The following ZGRF1 variants were observed in gnomAD, a reference collection of about 807,000 sequenced individuals.
ZGRF1 encodes 5'-3' DNA helicase ZGRF1.
In ZGRF1, 196 loss-of-function variants were observed where a neutral mutation model predicts 203.5. That is an observed-to-expected ratio of 0.96 (90% CI 0.86 to 1.08). The LOEUF (loss-of-function observed/expected upper bound fraction) is 1.08. Ranked by LOEUF, ZGRF1 falls within the 50% of genes least tolerant of loss-of-function variation. The pLI is 0.00. For synonymous variants in ZGRF1, 809 were observed against 841.3 expected, an observed-to-expected ratio of 0.96 and a Z score of 0.66; for missense variants, 2,326 against 2,416.3, an observed-to-expected ratio of 0.96 and a Z score of 0.78.
rs1741034902 is a variant in ZGRF1 at position 112,556,845 on chromosome 4, T to C, written c.5120+1305A>G. ...CCATAAGTATTAACTTATATAATTA[T>C]AAAAATTAATTTTTAAAAAGCTTAC... is the stretch of plus-strand genomic sequence containing the variant. On this transcript the variant is annotated intron_variant, in intron 20 of 27. Transcript: ENST00000505019. Among the ~76,000 whole-genome samples, 5 of 152,188 alleles carry C rather than the reference T, an allele frequency of 3.3e-5. No homozygotes were observed. The South Asian group carries it at 1.0e-3, about 31-fold the overall frequency.
chr4:112,541,797 G>T (rs1737667862), intron 24 of ZGRF1, among the ~76,000 whole-genome samples: 1 of 152,016 alleles, frequency 6.6e-6, no homozygotes. Context: ...AAAGTGCTGG[G>T]ATTACAGGCG....
intron 10 of ZGRF1, among the ~76,000 whole-genome samples, chr4:112,590,652 G>A (rs907534695): frequency 1.3e-5 from 2 of 152,044 alleles, no homozygotes; most frequent in Non-Finnish European, 2.9e-5. Flanking sequence ...AGAGCCAGGC[G>A]CAGTGGCTCA....
chr4:112,592,774 C>T (rs996699871), intron 10 of ZGRF1, among the ~76,000 whole-genome samples: 2 of 152,308 alleles, frequency 1.3e-5, no homozygotes, highest in Middle Eastern at 3.4e-3. Flanking sequence ...AAACCTGCTC[C>T]TCCCTGCTAT....
In ZGRF1 at chr4:112,554,020, T is replaced by G. The variant is rs1425526025; in HGVS notation, c.5199-38A>C. ...ATTAAAACACTCCTCTTTATTCCAT[T>G]TTTCATAACATCACAGTAAAGCAAA... is the stretch of plus-strand genomic sequence containing the variant. On this transcript the variant is annotated intron_variant, in intron 21 of 27. Coordinates refer to ENST00000505019, the MANE Select transcript of ZGRF1 (RefSeq NM_018392.5). 4 of 1,550,448 alleles carry G rather than the reference T, an allele frequency of 2.6e-6. No homozygotes were observed. The African/African-American group carries it at 4.2e-5, about 16-fold the overall frequency.
At chr4:112,551,102 C>T (rs535040395) in intron 22 of ZGRF1, among the ~76,000 whole-genome samples, 1 of 152,094 alleles carries the variant, frequency 6.6e-6, no homozygotes, top group African/African-American at 2.4e-5. Context: ...TACAGGTGTA[C>T]CATTTTAAAT....
intron 10 of ZGRF1, among the ~76,000 whole-genome samples, chr4:112,600,437 T>C (rs1011828569): frequency 6.6e-6 from 1 of 152,268 alleles, no homozygotes; most frequent in Non-Finnish European, 1.5e-5. Context: ...ATCACTCCTG[T>C]AATCCCAGTA....
At position 112,587,506 on chromosome 4, in the gene ZGRF1, G is replaced by C; in HGVS notation, c.3551C>G (p.Thr1184Arg). ...GACAGCATCACTCTGTCTTTCACTT[G>C]TGTCTCTAAAATGCATCCCAGAAAC... ...EAVSGMHFRD[T>R]SERQSDAVNE... The change falls in exon 12 of 28, where the codon ACA (threonine) becomes AGA (arginine). Residue 1184 changes from threonine (T) to arginine (R), a missense_variant. Thr to Arg is a moderately conservative substitution (Grantham distance 71). Coordinates refer to ENST00000505019, the MANE Select transcript of ZGRF1 (RefSeq NM_018392.5). 1 of 1,613,900 alleles carries C rather than the reference G, an allele frequency of 6.2e-7. No individual in the cohort carries two copies. The highest frequency in any genetic ancestry group is 8.5e-7 in the Non-Finnish European group (1 of 1,179,848).
Position 112,620,095 on chromosome 4 carries a change from G to A in ZGRF1, c.258C>T (p.Val86=). The change falls in exon 5 of 28, where the codon GTC becomes GTT. Residue 86 remains valine (V), a synonymous_variant. Coordinates refer to ENST00000505019, the MANE Select transcript of ZGRF1 (RefSeq NM_018392.5). Reference sequence around the variant, plus strand: ...AATTTAACTCTGGTGCTTCTTTATTGACATTCTGCTTAACAATACCTATGG... The same window carrying A: ...AATTTAACTCTGGTGCTTCTTTATTAACATTCTGCTTAACAATACCTATGG... The part of the protein sequence containing the change: ...AGAIGIVKQN[V]NKEAPELNSR... 1.2e-6 allele frequency: 2 copies of A among 1,613,284 alleles called. No homozygotes were observed. Among genetic ancestry groups the A allele is most frequent in the South Asian group, 2.2e-5 (2 of 91,010 alleles).
rs11935271 is a variant in ZGRF1, at chr4:112,612,588, A to T, written c.2603T>A (p.Val868Glu). 2.5e-6 allele frequency: 4 copies of T among 1,584,700 alleles called. No individual in the cohort carries two copies. The highest frequency in any genetic ancestry group is 2.6e-6 in the Non-Finnish European group (3 of 1,155,668). ...QTYEPDSPPEVRKPFITVVSP... is the reference protein window; with the variant it reads ...QTYEPDSPPEERKPFITVVSP... The stretch of plus-strand genomic sequence containing the variant: ...AACTACTGTAATAAATGGTTTCCTC[A>T]CTGTAATGGAGAAAAGAAATAATCA... Residue 868 changes from valine (V) to glutamate (E), a missense_variant and splice_region_variant, in exon 7 of 28, where the codon GTG becomes GAG. Physicochemically the swap from Val to Glu is moderately radical, Grantham distance 121. Transcript: ENST00000505019.
chr4:112,612,645 T>C (rs1021030436), intron 6 of ZGRF1, 57 bp from the exon 7 acceptor site: 1 of 1,090,840 alleles, frequency 9.2e-7, no homozygotes, highest in East Asian at 2.4e-5. Context: ...TACTCTAAAA[T>C]TTAACTTATT....
rs1173926160 is a variant in ZGRF1 at position 112,618,134 on chromosome 4, CTCT to C, written c.1905_1907del (p.Ile635_Glu636delinsMet). 2.5e-6 allele frequency: 4 copies of C among 1,613,712 alleles called. No individual in the cohort carries two copies. Among genetic ancestry groups the C allele is most frequent in the Admixed American group, 3.3e-5 (2 of 59,990 alleles). ...AATTGCTTAATGTGTCACTATACTC[CTCT>C]ATTTCTTTTCCTGTGTTTTCAGTTT... On this transcript the variant is annotated inframe_deletion, in exon 6 of 28. Transcript: ENST00000505019.
chr4:112,614,205 A>G (rs1001437304), intron 6 of ZGRF1, among the ~76,000 whole-genome samples: 1 of 152,210 alleles, frequency 6.6e-6, no homozygotes, highest in African/African-American at 2.4e-5. Context: ...TAGTGATTCA[A>G]TCTTCTCAAA....
In ZGRF1 at chr4:112,581,172, G is replaced by A. The variant is rs985174962; in HGVS notation, c.4438+491C>T. Among the ~76,000 whole-genome samples the A allele has an allele frequency of 2.0e-5, 3 of 149,958 alleles. No homozygotes were observed. The East Asian group carries it at 5.9e-4, about 30-fold the overall frequency. Reference sequence around the variant, plus strand: ...AAACCATCATTCTCAGCAAACTATCGCAAGGACAAAAAACCAAACACCGCA... The same window carrying A: ...AAACCATCATTCTCAGCAAACTATCACAAGGACAAAAAACCAAACACCGCA... On this transcript the variant is annotated intron_variant, in intron 16 of 27. Transcript: ENST00000505019.
chr4:112,548,452 C>T, intron 22 of ZGRF1, 72 bp from the exon 23 acceptor site: 1 of 1,251,560 alleles, frequency 8.0e-7, no homozygotes. Context: ...TACCAAAGAA[C>T]TTGTAGGCTA....
intron 3 of ZGRF1, among the ~76,000 whole-genome samples, chr4:112,629,563 G>A (rs2047342034): frequency 6.6e-6 from 1 of 151,846 alleles, no homozygotes; most frequent in African/African-American, 2.4e-5. Context: ...CCAGCTACTT[G>A]GGATGCTGAG....
chr4:112,561,850 G>C (rs6838048), intron 18 of ZGRF1, among the ~76,000 whole-genome samples: 59,249 of 149,914 alleles, frequency 0.4, 11,877 homozygotes, highest in South Asian at 0.49. Context: ...AAAATGTACA[G>C]TAACATTTAT....
At chr4:112,600,368 G>A (rs942470030) in intron 10 of ZGRF1, among the ~76,000 whole-genome samples, 10 of 152,122 alleles carry the variant, frequency 6.6e-5, no homozygotes, top group Admixed American at 4.6e-4. Context: ...AGCGCTAATC[G>A]TAAAGGAAAC....
At chr4:112,593,033 G>A (rs1354732168) in intron 10 of ZGRF1, among the ~76,000 whole-genome samples, 2 of 152,134 alleles carry the variant, frequency 1.3e-5, no homozygotes, top group Non-Finnish European at 2.9e-5. Context: ...CATGAAGAGG[G>A]GCTCATCAGA....
chr4:112,626,954 C>T (rs927773591), intron 3 of ZGRF1, among the ~76,000 whole-genome samples: 4 of 152,026 alleles, frequency 2.6e-5, no homozygotes, highest in East Asian at 1.9e-4. Context: ...TACAAGCACC[C>T]GCCACCATGC....
Sources: gnomAD v4.1 joint callset for allele counts (sites outside exome capture counted in the v4.1 genomes callset) on GRCh38, gnomAD v4.1.1 for gene constraint, MANE v1.5 for transcripts, NCBI Gene and HGNC (gene_info 2026-07-23, HGNC 2026-07-21) for gene names.